The following MED13 variants were observed in gnomAD, a reference collection of about 807,000 sequenced individuals.
The protein encoded by MED13 is mediator of RNA polymerase II transcription subunit 13.
MED13 carries 23 observed loss-of-function variants against 225.2 expected under a neutral mutation model. That is an observed-to-expected ratio of 0.10 (90% CI 0.07 to 0.14). The LOEUF (loss-of-function observed/expected upper bound fraction) is 0.14, where lower values mean the gene tolerates loss of function less well. Ranked by LOEUF, MED13 falls within the 10% of genes least tolerant of loss-of-function variation. The pLI is 1.00. For missense variants in MED13, 2,197 were observed against 2,594.5 expected, an observed-to-expected ratio of 0.85 and a Z score of 3.33; for synonymous variants, 942 against 889.2, an observed-to-expected ratio of 1.06 and a Z score of -1.06.
chr17:61,947,076 T>C, intron 28 of MED13, 59 bp from the exon 29 acceptor site: 1 of 1,173,556 alleles, frequency 8.5e-7, no homozygotes. Context: ...TGCTATTTAG[T>C]TTTACCTTAT....
At chr17:62,043,187 AAGAAAG>A (rs2080870295) in intron 3 of MED13, among the ~76,000 whole-genome samples, 3 of 149,150 alleles carry the variant, frequency 2.0e-5, no homozygotes, top group African/African-American at 7.3e-5. Flanking sequence ...AAAAAAAAGA[AAGAAAG>A]AAAGAAAGAA....
At position 61,953,024 on chromosome 17, in the gene MED13, T is replaced by C. The variant is rs796556404; in HGVS notation, c.6058A>G (p.Thr2020Ala). The C allele has an allele frequency of 2.5e-6, 4 of 1,614,004 alleles. No individual in the cohort carries two copies. The highest frequency in any genetic ancestry group is 3.4e-6 in the Non-Finnish European group (4 of 1,179,916). The change falls in exon 27 of 30, where the codon ACT (threonine) becomes GCT (alanine). Residue 2020 changes from threonine to alanine, a missense_variant. Transcript: ENST00000397786. The part of the protein sequence containing the change: ...DIINILPASP[T>A]GSPVHSPGSH... ...CCTGGAGAATGTACAGGAGAACCAG[T>C]TGGAGAAGCAGGAAGGATATTAATG...
intron 3 of MED13, among the ~76,000 whole-genome samples, chr17:62,043,168 A>G (rs1440539549): frequency 6.8e-6 from 1 of 147,622 alleles, no homozygotes; most frequent in Non-Finnish European, 1.5e-5. Flanking sequence ...AAAAAAAAAA[A>G]AAAAAAAAAA....
chr17:61,956,309 A>T lies in MED13; in HGVS notation c.5623+30T>A, dbSNP rs1441887071. The T allele has an allele frequency of 2.5e-6, 4 of 1,590,152 alleles. No homozygotes were observed. The South Asian group carries it at 4.6e-5, about 18-fold the overall frequency. On this transcript the variant is annotated intron_variant, in intron 24 of 29. Transcript: ENST00000397786. ...GTGTGTGAATTTACATAAAACGGAA[A>T]TATAAATACTAATAAAAGCACAATT...
intron 9 of MED13, chr17:62,005,842 G>A (rs1295893910): frequency 6.6e-6 from 1 of 152,122 alleles, no homozygotes; most frequent in Non-Finnish European, 1.5e-5. Flanking sequence ...TTCCATCCTA[G>A]GCTGGTTCAC....
At chr17:61,959,323 C>A (rs1292213108) in intron 23 of MED13, among the ~76,000 whole-genome samples, 3 of 152,026 alleles carry the variant, frequency 2.0e-5, no homozygotes, top group Admixed American at 6.6e-5. Flanking sequence ...CCCATCATTG[C>A]CCCTCTTAAC....
chr17:61,977,798 T>C (rs961720890), intron 16 of MED13, among the ~76,000 whole-genome samples: 17 of 151,994 alleles, frequency 1.1e-4, no homozygotes, highest in Non-Finnish European at 2.4e-4. Context: ...TAAAGGCTTT[T>C]CTTTCTTCTC....
intron 27 of MED13, among the ~76,000 whole-genome samples, chr17:61,952,136 G>A (rs914894147): frequency 9.2e-5 from 14 of 151,870 alleles, no homozygotes; most frequent in Non-Finnish European, 1.2e-4. Context: ...CTCGTGATCC[G>A]CCTGCCTCAG....
Position 62,051,635 on chromosome 17 carries a change from AAAAC to A in MED13, c.470+898_470+901del, listed in dbSNP as rs61643321. On this transcript the variant is annotated intron_variant, in intron 3 of 29. Coordinates refer to ENST00000397786, the MANE Select transcript of MED13 (RefSeq NM_005121.3). ...TCTTACTAAAACTAAAAAGTTTGAA[AAAAC>A]AAACAAACAAAAACTCCAGGTGCAC... Among the ~76,000 whole-genome samples the A allele has an allele frequency of 3.7e-4, 56 of 152,112 alleles. 1 individual carries two copies. Among genetic ancestry groups the A allele is most frequent in the South Asian group, 1.9e-3 (9 of 4,828 alleles).
Position 61,966,539 on chromosome 17 carries a change from A to C in MED13, c.4304T>G (p.Phe1435Cys). The C allele has an allele frequency of 6.2e-7, 1 of 1,613,974 alleles. No individual in the cohort carries two copies. The highest frequency in any genetic ancestry group is 8.5e-7 in the Non-Finnish European group (1 of 1,179,904). The change falls in exon 19 of 30, where the codon TTT (phenylalanine) becomes TGT (cysteine). Residue 1435 changes from phenylalanine (F) to cysteine (C), a missense_variant. Physicochemically the swap from Phe to Cys is radical, Grantham distance 205. This residue lies in a region of MED13 where 457 missense variants were observed against 442.2 expected (regional missense o/e 1.03). Coordinates refer to ENST00000397786, the MANE Select transcript of MED13 (RefSeq NM_005121.3). ...KLSEKLVAEW[F>C]SQAADGNNEA... Reference sequence around the variant, plus strand: ...ATTGTTACCGTCAGCTGCCTGAGAAAACCATTCTGCTACCAACTTTTCTGA... The same window carrying C: ...ATTGTTACCGTCAGCTGCCTGAGAACACCATTCTGCTACCAACTTTTCTGA...
intron 3 of MED13, among the ~76,000 whole-genome samples, chr17:62,042,701 C>T (rs2080863924): frequency 6.6e-6 from 1 of 151,586 alleles, no homozygotes. Flanking sequence ...TTTCCTGTAA[C>T]TTAAAAAAAA....
chr17:61,983,500 T>C (rs1420988385), intron 15 of MED13, among the ~76,000 whole-genome samples: 2 of 151,994 alleles, frequency 1.3e-5, no homozygotes, highest in African/African-American at 4.8e-5. Flanking sequence ...AAGGGAAAAA[T>C]GGTAATTTTA....
At position 62,023,202 on chromosome 17, in the gene MED13, T is replaced by G. The variant is rs1312224899; in HGVS notation, c.1283+6339A>C. Among the ~76,000 whole-genome samples the G allele has an allele frequency of 2.6e-5, 4 of 152,162 alleles. No homozygotes were observed. In the East Asian group the frequency reaches 7.7e-4, roughly 29 times the overall value. ...AATTTCTATTCATGTAAATTGTCTG[T>G]TACAGTTATGAATTTTTTTTCTTCC... On this transcript the variant is annotated intron_variant, in intron 8 of 29. Transcript: ENST00000397786.
At chr17:62,048,028 A>C (rs1260464627) in intron 3 of MED13, among the ~76,000 whole-genome samples, 1 of 123,276 alleles carries the variant, frequency 8.1e-6, no homozygotes, top group Non-Finnish European at 1.6e-5. Context: ...ATATATACAT[A>C]TACATATACA....
chr17:61,984,556 G>A (rs2143469957), intron 14 of MED13, 95 bp downstream of exon 14: 3 of 1,152,572 alleles, frequency 2.6e-6, no homozygotes, highest in East Asian at 2.6e-5. Context: ...CTACAAAACC[G>A]CAACCACTAT....
chr17:62,019,063 AAGAAT>A (rs2080611742), intron 8 of MED13, among the ~76,000 whole-genome samples: 1 of 152,250 alleles, frequency 6.6e-6, no homozygotes, highest in Non-Finnish European at 1.5e-5. Context: ...AGTATCAAAG[AAGAAT>A]ATCCACAATT....
intron 11 of MED13, among the ~76,000 whole-genome samples, chr17:61,991,663 A>G (rs2080300093): frequency 6.6e-6 from 1 of 151,894 alleles, no homozygotes; most frequent in South Asian, 2.1e-4. Flanking sequence ...GCGTGCCTCC[A>G]TGCCCAGCTA....
rs530808051 is a variant in MED13, at chr17:62,016,957, G to A, written c.1284-5724C>T. Among the ~76,000 whole-genome samples, 56 of 151,842 alleles carry A rather than the reference G, an allele frequency of 3.7e-4. 2 individuals are homozygous for A. In the South Asian group the frequency reaches 6.0e-3, roughly 16 times the overall value. ...CCCAGGAGGTGGAGGTTGCAAGTGAGCCAAGATCACGTCACTGCACTCCAG... is the reference window on the plus strand; with the variant it reads ...CCCAGGAGGTGGAGGTTGCAAGTGAACCAAGATCACGTCACTGCACTCCAG... On this transcript the variant is annotated intron_variant, in intron 8 of 29. Transcript: ENST00000397786.
chr17:61,952,760 C>G (rs551236056), intron 27 of MED13, among the ~76,000 whole-genome samples: 1 of 152,262 alleles, frequency 6.6e-6, no homozygotes, highest in African/African-American at 2.4e-5. Context: ...CCTCATCCTC[C>G]TGAGTAGCTG....
Sources: allele counts gnomAD v4.1 joint callset (sites outside exome capture counted in the v4.1 genomes callset), GRCh38; gene constraint gnomAD v4.1.1; regional missense constraint gnomAD v4.1.1; transcripts MANE v1.5; gene names NCBI Gene and HGNC (gene_info 2026-07-23, HGNC 2026-07-21).